Variants in CNTNAP2 observed in about 807,000 individuals in gnomAD.
CNTNAP2 encodes the protein contactin associated protein 2, also known as contactin-associated protein-like 2.
A neutral mutation model predicts 155.2 loss-of-function variants in CNTNAP2; 98 were observed. The ratio of observed to expected loss-of-function variants is 0.63; its 90% confidence interval spans 0.54 to 0.75. The LOEUF is 0.75. Among genes scored for constraint, CNTNAP2 ranks in the 30% least tolerant of loss-of-function variants. The pLI is 0.00. For synonymous variants in CNTNAP2, 651 were observed against 631.2 expected (o/e 1.03, Z -0.47); for missense variants, 1,727 against 1,688.1 (o/e 1.02, Z -0.40).
chr7:146,355,607 A>G (rs1794985948), intron 1 of CNTNAP2, among the ~76,000 whole-genome samples: 1 of 152,210 alleles, frequency 6.6e-6, no homozygotes, highest in African/African-American at 2.4e-5. Flanking sequence ...GAGATTCCAT[A>G]AGAAAATAAT....
chr7:146,904,750 C>A (rs576969802), intron 3 of CNTNAP2, among the ~76,000 whole-genome samples: 1 of 152,182 alleles, frequency 6.6e-6, no homozygotes, highest in Non-Finnish European at 1.5e-5. Flanking sequence ...GGATTACAGG[C>A]GTGAGCCACC....
intron 1 of CNTNAP2, among the ~76,000 whole-genome samples, chr7:146,225,850 T>C (rs115978800): frequency 1.3e-3 from 199 of 152,360 alleles, no homozygotes; most frequent in African/African-American, 4.3e-3. Flanking sequence ...AGTCTCTTTC[T>C]GGATGAAACA....
intron 3 of CNTNAP2, among the ~76,000 whole-genome samples, chr7:146,862,578 A>C (rs1795124707): frequency 6.6e-6 from 1 of 152,170 alleles, no homozygotes; most frequent in South Asian, 2.1e-4. Flanking sequence ...TATGCATACT[A>C]TTTGAATGTG....
chr7:147,239,785 T>G (rs1803898151), intron 8 of CNTNAP2, among the ~76,000 whole-genome samples: 1 of 152,206 alleles, frequency 6.6e-6, no homozygotes, highest in Admixed American at 6.5e-5. Context: ...CCGTATTCAT[T>G]TTATAGATAT....
chr7:147,028,299 T>C (rs1798961279), intron 3 of CNTNAP2, among the ~76,000 whole-genome samples: 1 of 152,224 alleles, frequency 6.6e-6, no homozygotes, highest in Non-Finnish European at 1.5e-5. Flanking sequence ...AAAGTTTGGA[T>C]ATGAAATTGT....
chr7:146,793,871 C>A (rs1479925777), intron 2 of CNTNAP2, among the ~76,000 whole-genome samples: 1 of 152,210 alleles, frequency 6.6e-6, no homozygotes. Flanking sequence ...AATAAAACTT[C>A]TTTCAGTTAA....
chr7:147,790,078 T>G (rs1307024490), intron 13 of CNTNAP2, among the ~76,000 whole-genome samples: 1 of 152,178 alleles, frequency 6.6e-6, no homozygotes, highest in Non-Finnish European at 1.5e-5. Flanking sequence ...TAGAGAACCC[T>G]GACCTACTAT....
intron 1 of CNTNAP2, among the ~76,000 whole-genome samples, chr7:146,413,314 A>C (rs1467771551): frequency 1.3e-5 from 2 of 152,168 alleles, no homozygotes; most frequent in East Asian, 3.9e-4. Flanking sequence ...TCACGGCTTC[A>C]GGTTGGACCT....
Position 147,596,606 on chromosome 7 carries a change from C to G in CNTNAP2, c.1897+34349C>G, listed in dbSNP as rs768461369. On this transcript the variant is annotated intron_variant, in intron 12 of 23. Coordinates refer to ENST00000361727, the MANE Select transcript of CNTNAP2 (RefSeq NM_014141.6). The stretch of plus-strand genomic sequence containing the variant: ...CAGCCTGAGCCCCATCTCATTCATT[C>G]AGCCTTTTGTTTTTTCTGGAACTCA... Among the ~76,000 whole-genome samples, 43 of 152,170 alleles carry G rather than the reference C, an allele frequency of 2.8e-4. 1 individual carries two copies. Among genetic ancestry groups the G allele is most frequent in the Non-Finnish European group, 4.4e-5 (3 of 68,038 alleles).
At chr7:146,523,667 A>G (rs896374847) in intron 1 of CNTNAP2, among the ~76,000 whole-genome samples, 2 of 152,158 alleles carry the variant, frequency 1.3e-5, no homozygotes, top group Admixed American at 6.6e-5. Flanking sequence ...AGTGTCAGGA[A>G]GGCAAATTGT....
intron 12 of CNTNAP2, among the ~76,000 whole-genome samples, chr7:147,609,708 A>G (rs1179757557): frequency 6.6e-6 from 1 of 152,180 alleles, no homozygotes; most frequent in Admixed American, 6.5e-5. Context: ...GAGTGAGTGT[A>G]CGAAATAATC....
chr7:148,058,638 G>T (rs867294885), intron 15 of CNTNAP2, among the ~76,000 whole-genome samples: 1 of 152,108 alleles, frequency 6.6e-6, no homozygotes, highest in Admixed American at 6.5e-5. Context: ...CTTGCAAGGC[G>T]TGTCGCTTGA....
intron 3 of CNTNAP2, among the ~76,000 whole-genome samples, chr7:146,869,583 A>T (rs1270728251): frequency 2.6e-5 from 4 of 152,138 alleles, no homozygotes; most frequent in Non-Finnish European, 5.9e-5. Flanking sequence ...GCTCAGTCCA[A>T]GTCCCAAAAA....
chr7:147,238,562 A>G (rs1803868368), intron 8 of CNTNAP2, among the ~76,000 whole-genome samples: 1 of 151,944 alleles, frequency 6.6e-6, no homozygotes, highest in African/African-American at 2.4e-5. Flanking sequence ...TTTTTTTCAC[A>G]TCAGAATCAA....
At chr7:147,296,152 G>A (rs1435980906) in intron 8 of CNTNAP2, among the ~76,000 whole-genome samples, 2 of 152,082 alleles carry the variant, frequency 1.3e-5, no homozygotes, top group Non-Finnish European at 2.9e-5. Flanking sequence ...TTTAGGATTG[G>A]ATTTGGGGAC....
At chr7:146,384,581 AT>A (rs1795434278) in intron 1 of CNTNAP2, among the ~76,000 whole-genome samples, 1 of 152,218 alleles carries the variant, frequency 6.6e-6, no homozygotes, top group Non-Finnish European at 1.5e-5. Flanking sequence ...ACCAAAAGGT[AT>A]TTGTTCTCCA....
chr7:147,285,661 G>A (rs753488667), intron 8 of CNTNAP2, among the ~76,000 whole-genome samples: 3 of 151,906 alleles, frequency 2.0e-5, no homozygotes, highest in Admixed American at 6.6e-5. Context: ...TTGACCAATA[G>A]CATTACATAA....
intron 8 of CNTNAP2, among the ~76,000 whole-genome samples, chr7:147,256,603 G>C (rs1804334152): frequency 6.6e-6 from 1 of 152,086 alleles, no homozygotes; most frequent in African/African-American, 2.4e-5. Context: ...ATAGAAAATA[G>C]CTCCCAAAGA....
chr7:147,999,970 T>G (rs1585070712), intron 15 of CNTNAP2, among the ~76,000 whole-genome samples: 1 of 152,174 alleles, frequency 6.6e-6, no homozygotes, highest in East Asian at 1.9e-4. Flanking sequence ...TTTCTGTTGA[T>G]TTGAGCCACC....
Sources: allele counts gnomAD v4.1 joint callset (sites outside exome capture counted in the v4.1 genomes callset), GRCh38; gene constraint gnomAD v4.1.1; transcripts MANE v1.5; gene names NCBI Gene and HGNC (gene_info 2026-07-23, HGNC 2026-07-21).